The following UST variants were observed in gnomAD, a reference collection of about 807,000 sequenced individuals.
UST encodes chondroitin sulfate 2-O-sulfotransferase.
In UST, 21 loss-of-function variants were observed where a neutral mutation model predicts 45.6. The ratio of observed to expected loss-of-function variants is 0.46; its 90% CI spans 0.33 to 0.66. The LOEUF is 0.66. Ranked by LOEUF, UST falls within the 30% of genes least tolerant of loss-of-function variation. UST has a pLI of 0.02. For missense variants in UST, 463 were observed against 512.4 expected (o/e 0.90, Z 0.93); for synonymous variants, 215 against 200.6 (o/e 1.07, Z -0.61).
At position 149,021,428 on chromosome 6, in the gene UST, A is replaced by G. The variant is rs771070448; in HGVS notation, c.884A>G (p.Glu295Gly). The G allele has an allele frequency of 1.2e-6, 2 of 1,614,156 alleles. No individual in the cohort carries two copies. Among genetic ancestry groups the G allele is most frequent in the Non-Finnish European group, 1.7e-6 (2 of 1,180,022 alleles). Residue 295 changes from glutamate (E) to glycine (G), a missense_variant, in exon 7 of 8, where the codon GAA becomes GGA. Glu to Gly is a moderately conservative substitution (Grantham distance 98, BLOSUM62 -2). Transcript: ENST00000367463. ...EELEDVLLLLERFLPHYFKGV... is the reference protein window; with the variant it reads ...EELEDVLLLLGRFLPHYFKGV... Reference sequence around the variant, plus strand: ...TTGGAAGATGTGCTGCTGTTACTGGAAAGATTTTTACCTCATTACTTCAAG... The same window carrying G: ...TTGGAAGATGTGCTGCTGTTACTGGGAAGATTTTTACCTCATTACTTCAAG...
intron 5 of UST, among the ~76,000 whole-genome samples, chr6:149,008,250 T>A (rs150378604): frequency 5.6e-4 from 86 of 152,290 alleles, no homozygotes; most frequent in African/African-American, 2.0e-3. Context: ...AATGTTTGAG[T>A]CAAAAGATAA....
chr6:148,886,108 C>A (rs983171782), intron 1 of UST, among the ~76,000 whole-genome samples: 2 of 152,166 alleles, frequency 1.3e-5, no homozygotes, highest in Non-Finnish European at 2.9e-5. Context: ...CACACAGAAG[C>A]CTGAGATGGC....
chr6:148,977,751 CAAAAAAAAAAAAAA>C (rs60475773), intron 5 of UST, among the ~76,000 whole-genome samples: 2 of 88,198 alleles, frequency 2.3e-5, no homozygotes, highest in African/African-American at 8.6e-5. Context: ...GAATCTGTCT[CAAAAAAAAAAAAAA>C]AAAAAAGAAA....
intron 1 of UST, among the ~76,000 whole-genome samples, chr6:148,808,615 T>C (rs1777195345): frequency 6.6e-6 from 1 of 152,022 alleles, no homozygotes; most frequent in South Asian, 2.1e-4. Flanking sequence ...TTTTGCTTGA[T>C]ATAAATTAAA....
intron 2 of UST, among the ~76,000 whole-genome samples, chr6:148,922,842 G>T (rs552103906): frequency 2.0e-5 from 3 of 151,816 alleles, no homozygotes; most frequent in African/African-American, 7.2e-5. Flanking sequence ...ACCCAGGCTG[G>T]AGTGCAGTGG....
chr6:148,853,353 G>A (rs769392247), intron 1 of UST, among the ~76,000 whole-genome samples: 37 of 152,118 alleles, frequency 2.4e-4, no homozygotes, highest in Non-Finnish European at 3.8e-4. Flanking sequence ...CCAGTCTGTC[G>A]TCTGTCATTG....
intron 7 of UST, among the ~76,000 whole-genome samples, chr6:149,067,331 C>A (rs1171894107): frequency 6.6e-6 from 1 of 152,210 alleles, no homozygotes; most frequent in African/African-American, 2.4e-5. Context: ...GATAAGGGAA[C>A]TTCAGAGAAC....
intron 6 of UST, among the ~76,000 whole-genome samples, chr6:149,020,761 G>A (rs1775965117): frequency 6.6e-6 from 1 of 152,124 alleles, no homozygotes; most frequent in Non-Finnish European, 1.5e-5. Flanking sequence ...TCAGCTCTCT[G>A]ATTTTTACAA....
intron 7 of UST, among the ~76,000 whole-genome samples, chr6:149,028,279 C>G (rs367689456): frequency 6.6e-6 from 1 of 152,180 alleles, no homozygotes; most frequent in Non-Finnish European, 1.5e-5. Flanking sequence ...GGATAAGATG[C>G]ATAAATAATC....
chr6:149,043,020 TTTTTCTTTCTTTCTTTCTTTCTTTCC>T (rs1562337826), intron 7 of UST, among the ~76,000 whole-genome samples: 1,525 of 124,732 alleles, frequency 0.012, 23 homozygotes, highest in African/African-American at 0.059. Flanking sequence ...TCTTTCTTTC[TTTTTCTTTCTTTCTTTCTTTCTTTCC>T]TTCTTTCCTT....
intron 1 of UST, among the ~76,000 whole-genome samples, chr6:148,764,241 AT>A (rs1211952258): frequency 6.6e-6 from 1 of 151,910 alleles, no homozygotes; most frequent in East Asian, 1.9e-4. Flanking sequence ...GAGTTTTATT[AT>A]TTTTTGTGGC....
At chr6:148,869,258 A>G (rs1778504982) in intron 1 of UST, among the ~76,000 whole-genome samples, 1 of 152,194 alleles carries the variant, frequency 6.6e-6, no homozygotes, top group South Asian at 2.1e-4. Flanking sequence ...GAGGTCTGGG[A>G]ATCCTTGTTT....
At chr6:148,755,752 T>C (rs1776082980) in intron 1 of UST, among the ~76,000 whole-genome samples, 1 of 152,176 alleles carries the variant, frequency 6.6e-6, no homozygotes. Flanking sequence ...TTAAATATTT[T>C]AGATCAAAAT....
intron 7 of UST, among the ~76,000 whole-genome samples, chr6:149,021,732 A>C (rs1775984148): frequency 2.0e-5 from 3 of 152,182 alleles, no homozygotes; most frequent in Non-Finnish European, 4.4e-5. Flanking sequence ...TGGAAACTGA[A>C]ATTGGCAACA....
chr6:148,835,280 A>G (rs1345422806), intron 1 of UST, among the ~76,000 whole-genome samples: 1 of 152,234 alleles, frequency 6.6e-6, no homozygotes, highest in Non-Finnish European at 1.5e-5. Flanking sequence ...TATGTATGTT[A>G]TATGCAAATA....
intron 2 of UST, among the ~76,000 whole-genome samples, chr6:148,895,740 T>C (rs73602972): frequency 0.059 from 8,916 of 152,324 alleles, 885 homozygotes; most frequent in African/African-American, 0.2. Context: ...CCATGTGAGA[T>C]GTGCCTTTCA....
chr6:149,049,603 A>G (rs1259955393), intron 7 of UST, among the ~76,000 whole-genome samples: 2 of 152,256 alleles, frequency 1.3e-5, no homozygotes, highest in Non-Finnish European at 2.9e-5. Context: ...TAAAAATTAT[A>G]TGGAAGCAGA....
chr6:148,827,798 A>G (rs1243380733), intron 1 of UST, among the ~76,000 whole-genome samples: 1 of 151,994 alleles, frequency 6.6e-6, no homozygotes, highest in Non-Finnish European at 1.5e-5. Flanking sequence ...TCATTAAAAG[A>G]AAAACTTGAC....
At chr6:149,046,685 T>C (rs548191538) in intron 7 of UST, among the ~76,000 whole-genome samples, 1 of 152,366 alleles carries the variant, frequency 6.6e-6, no homozygotes, top group Admixed American at 6.5e-5. Context: ...AATGTGCCCG[T>C]GCACCGATGT....
Sources: allele counts gnomAD v4.1 joint callset (sites outside exome capture counted in the v4.1 genomes callset), GRCh38; gene constraint gnomAD v4.1.1; transcripts MANE v1.5; gene names NCBI Gene and HGNC (gene_info 2026-07-23, HGNC 2026-07-21).